Variants in EDA observed in about 807,000 individuals in gnomAD.
EDA encodes ectodysplasin-A.
EDA carries 2 observed loss-of-function variants against 23.6 expected under a neutral mutation model. The ratio of observed to expected loss-of-function variants is 0.08; its 90% confidence interval spans 0.03 to 0.27. The LOEUF is 0.27. EDA is among the 10% of genes least tolerant of loss of function. EDA has a pLI of 1.00. For missense variants in EDA, 229 were observed against 324.2 expected, an observed-to-expected ratio of 0.71 and a Z score of 2.26; for synonymous variants, 131 against 132.0, an observed-to-expected ratio of 0.99 and a Z score of 0.05.
chrX:69,713,126 T>C (rs780472994), intron 1 of EDA, among the ~76,000 whole-genome samples: 1 of 110,067 alleles, frequency 9.1e-6, no homozygotes, highest in Non-Finnish European at 1.9e-5. Context: ...GACGAGTTAA[T>C]GGGTGCAACA....
intron 1 of EDA, among the ~76,000 whole-genome samples, chrX:69,891,326 G>A (rs1394012832): frequency 9.0e-6 from 1 of 111,708 alleles, no homozygotes; most frequent in Non-Finnish European, 1.9e-5. Flanking sequence ...ACAGTGTGGC[G>A]ATTCCTCAAA....
chrX:69,904,273 C>T (rs1020313137), intron 1 of EDA, among the ~76,000 whole-genome samples: 17 of 111,750 alleles, frequency 1.5e-4, no homozygotes, highest in Non-Finnish European at 2.8e-4. Flanking sequence ...CTATAATTGA[C>T]CTATTGTACT....
chrX:69,783,883 G>T (rs2015047864), intron 1 of EDA, among the ~76,000 whole-genome samples: 1 of 103,028 alleles, frequency 9.7e-6, no homozygotes, highest in Non-Finnish European at 2.0e-5. Context: ...TTCCACAATG[G>T]TTGAACTAGT....
chrX:69,872,124 A>G (rs2017575470), intron 1 of EDA, among the ~76,000 whole-genome samples: 1 of 112,090 alleles, frequency 8.9e-6, no homozygotes, highest in South Asian at 3.7e-4. Flanking sequence ...ATTATCAATG[A>G]AGAATTTTGT....
chrX:69,853,124 G>C (rs1458027860), intron 1 of EDA, among the ~76,000 whole-genome samples: 2 of 111,747 alleles, frequency 1.8e-5, no homozygotes, highest in African/African-American at 6.5e-5. Flanking sequence ...GAAATTATCA[G>C]ATAACAGACT....
intron 1 of EDA, among the ~76,000 whole-genome samples, chrX:69,677,277 C>T (rs1197327874): frequency 2.4e-4 from 26 of 107,059 alleles, no homozygotes; most frequent in South Asian, 1.3e-3. Flanking sequence ...TGAATAATGC[C>T]GCAATAAACA....
intron 1 of EDA, among the ~76,000 whole-genome samples, chrX:69,917,128 G>A (rs973389229): frequency 2.7e-5 from 3 of 110,566 alleles, no homozygotes; most frequent in African/African-American, 9.9e-5. Flanking sequence ...TAGAGACGGG[G>A]TTTTGCCATG....
intron 1 of EDA, among the ~76,000 whole-genome samples, chrX:69,634,211 T>C (rs952410539): frequency 5.3e-5 from 6 of 112,660 alleles, no homozygotes; most frequent in African/African-American, 1.9e-4. Flanking sequence ...ATATGCCTTT[T>C]AATTTTTGAA....
At chrX:69,814,787 A>G (rs1166950189) in intron 1 of EDA, among the ~76,000 whole-genome samples, 1 of 111,851 alleles carries the variant, frequency 8.9e-6, no homozygotes, top group African/African-American at 3.3e-5. Context: ...GCCGTGAGTG[A>G]TTGTGCAACC....
intron 1 of EDA, among the ~76,000 whole-genome samples, chrX:69,820,647 C>G (rs750478548): frequency 8.9e-6 from 1 of 112,336 alleles, no homozygotes; most frequent in Non-Finnish European, 1.9e-5. Flanking sequence ...TGTTCAACAT[C>G]ACTGATCATT....
chrX:69,772,451 A>G (rs1367972046), intron 1 of EDA, among the ~76,000 whole-genome samples: 1 of 112,317 alleles, frequency 8.9e-6, no homozygotes, highest in Admixed American at 9.4e-5. Flanking sequence ...GGTAAAATCT[A>G]CATAATGTAA....
intron 1 of EDA, among the ~76,000 whole-genome samples, chrX:69,945,908 G>A (rs866219850): frequency 8.9e-6 from 1 of 111,742 alleles, no homozygotes; most frequent in African/African-American, 3.3e-5. Context: ...AATAGTATTG[G>A]CCTGCCATTA....
At chrX:69,917,955 A>G (rs760682398) in intron 1 of EDA, among the ~76,000 whole-genome samples, 1 of 110,737 alleles carries the variant, frequency 9.0e-6, no homozygotes, top group Admixed American at 9.7e-5. Context: ...CCATTTGTTA[A>G]CTAATTTTAT....
chrX:69,929,706 TTGTGTG>T (rs4007701), intron 1 of EDA, among the ~76,000 whole-genome samples: 4,529 of 84,222 alleles, frequency 0.054, 256 homozygotes, highest in African/African-American at 0.15. Flanking sequence ...CATTCTATTT[TTGTGTG>T]TGTGTGTGTG....
chrX:69,970,626 C>T (rs1350983044), intron 2 of EDA, among the ~76,000 whole-genome samples: 3 of 111,531 alleles, frequency 2.7e-5, no homozygotes, highest in Non-Finnish European at 3.8e-5. Context: ...TGGGACCAAG[C>T]TTCCCTGTAT....
intron 1 of EDA, among the ~76,000 whole-genome samples, chrX:69,752,122 G>A (rs2013905291): frequency 9.0e-6 from 1 of 111,216 alleles, no homozygotes; most frequent in Admixed American, 9.5e-5. Context: ...TGTTGAATAG[G>A]AGTGGTGAGA....
At chrX:70,021,086 A>T (rs2020027637) in intron 2 of EDA, among the ~76,000 whole-genome samples, 1 of 112,222 alleles carries the variant, frequency 8.9e-6, no homozygotes, top group Admixed American at 9.4e-5. Context: ...TTTAAGTCAG[A>T]CCTTCTCCAG....
At chrX:69,794,303 C>T (rs1025394055) in intron 1 of EDA, among the ~76,000 whole-genome samples, 1 of 111,396 alleles carries the variant, frequency 9.0e-6, no homozygotes, top group Non-Finnish European at 1.9e-5. Flanking sequence ...GTAAAGTTTT[C>T]GGCCTTTAGC....
intron 1 of EDA, among the ~76,000 whole-genome samples, chrX:69,787,716 C>T (rs1466944891): frequency 3.6e-5 from 4 of 111,122 alleles, no homozygotes; most frequent in Admixed American, 9.6e-5. Flanking sequence ...TCTCTGGCTG[C>T]CCTTAACATT....
Sources: allele counts gnomAD v4.1 joint callset (sites outside exome capture counted in the v4.1 genomes callset), GRCh38; gene constraint gnomAD v4.1.1; transcripts MANE v1.5; gene names NCBI Gene and HGNC (gene_info 2026-07-23, HGNC 2026-07-21).